The following ATP2B1 variants were observed in gnomAD, a reference collection of about 807,000 sequenced individuals.
ATP2B1 encodes ATPase plasma membrane Ca2+ transporting 1.
ATP2B1 carries 14 observed loss-of-function variants against 124.2 expected under a neutral mutation model. That is an observed-to-expected ratio of 0.11 (90% CI 0.07 to 0.18). The LOEUF is 0.18. Among genes scored for constraint, ATP2B1 ranks in the 10% least tolerant of loss-of-function variants. The pLI, the probability that ATP2B1 is intolerant of heterozygous loss-of-function variation, is 1.00. For synonymous variants in ATP2B1, 449 were observed against 492.4 expected, an observed-to-expected ratio of 0.91 and a Z score of 1.17; for missense variants, 763 against 1,466.1, an observed-to-expected ratio of 0.52 and a Z score of 7.83.
chr12:89,596,972 T>C (rs1345666196), intron 20 of ATP2B1, among the ~76,000 whole-genome samples: 1 of 152,150 alleles, frequency 6.6e-6, no homozygotes. Context: ...GGGAGTCACC[T>C]CCTTCAGGCA....
intron 1 of ATP2B1, among the ~76,000 whole-genome samples, chr12:89,662,441 C>T (rs1392050612): frequency 1.3e-5 from 2 of 152,102 alleles, no homozygotes; most frequent in African/African-American, 4.8e-5. Flanking sequence ...AGTTTTGGTA[C>T]ATTCAAATTA....
At position 89,638,129 on chromosome 12, in the gene ATP2B1, A is replaced by G. The variant is rs1882981168; in HGVS notation, c.407-2878T>C. On this transcript the variant is annotated intron_variant, in intron 3 of 20. Transcript: ENST00000428670. ...AAAGGATCAAAGTTACAAAATGACT[A>G]CAGCTTACAGTTATATATATGTATA... 2.0e-5 allele frequency among the ~76,000 whole-genome samples: 3 copies of G among 152,336 alleles called. No individual in the cohort carries two copies. The South Asian group carries it at 6.2e-4, about 32-fold the overall frequency.
rs770458245 is a variant in ATP2B1 at position 89,603,103 on chromosome 12, G to A, written c.3000C>T (p.Phe1000=). The part of the protein sequence containing the change: ...ARKIHGERNV[F]EGIFNNAIFC... ...AGATGGCATTGTTAAAGATTCCTTC[G>A]AATACATTTCTTTCACCATGAATTT... The change falls in exon 18 of 21, where the codon TTC becomes TTT. Residue 1000 remains phenylalanine, a synonymous_variant. Transcript: ENST00000428670. The surrounding 1 kb of genome is among the most constrained non-coding windows in gnomAD (Gnocchi z 4.3). The A allele has an allele frequency of 1.1e-5, 18 of 1,613,846 alleles. No homozygotes were observed. The highest frequency in any genetic ancestry group is 3.3e-5 in the South Asian group (3 of 91,060).
intron 2 of ATP2B1, among the ~76,000 whole-genome samples, chr12:89,650,016 C>G (rs1006572836): frequency 5.9e-5 from 9 of 152,182 alleles, no homozygotes; most frequent in African/African-American, 1.9e-4. Flanking sequence ...CACCAGAAGC[C>G]AAGCAGATGC....
Position 89,590,990 on chromosome 12 carries a change from T to G in ATP2B1, c.3657A>C (p.Ser1219=). ...GTTAACATTCAGCTTACAATCAGAGTGATGTTTCCAAACTATGTAGTGGGC... is the reference window on the plus strand; with the variant it reads ...GTTAACATTCAGCTTACAATCAGAGGGATGTTTCCAAACTATGTAGTGGGC... ...PGSPLHSLET[S]L Residue 1219 remains serine, a synonymous_variant, in exon 21 of 21, where the codon TCA becomes TCC. Transcript: ENST00000428670. The G allele has an allele frequency of 1.2e-6, 2 of 1,611,016 alleles. No individual in the cohort carries two copies. The highest frequency in any genetic ancestry group is 1.7e-6 in the Non-Finnish European group (2 of 1,177,828).
chr12:89,696,040 A>G (rs1322656373), intron 1 of ATP2B1, among the ~76,000 whole-genome samples: 2 of 152,266 alleles, frequency 1.3e-5, no homozygotes, highest in Non-Finnish European at 2.9e-5. Flanking sequence ...ACAACCTCAC[A>G]GGTATAAACA....
intron 1 of ATP2B1, among the ~76,000 whole-genome samples, chr12:89,704,801 A>G (rs1023857904): frequency 6.6e-6 from 1 of 152,166 alleles, no homozygotes; most frequent in African/African-American, 2.4e-5. Flanking sequence ...ACCTGCTGTA[A>G]AATACACAAA....
chr12:89,651,759 T>C (rs1359629674), intron 2 of ATP2B1, among the ~76,000 whole-genome samples: 1 of 152,184 alleles, frequency 6.6e-6, no homozygotes, highest in Non-Finnish European at 1.5e-5. Context: ...ACAGGTAACA[T>C]ACAATGCAGT....
At chr12:89,626,374 C>T in intron 8 of ATP2B1, 80 bp downstream of exon 8, 1 of 1,439,936 alleles carries the variant, frequency 6.9e-7, no homozygotes, top group Non-Finnish European at 9.3e-7. Context: ...AATTTCCAGC[C>T]TTAAGTGTGT....
intron 1 of ATP2B1, among the ~76,000 whole-genome samples, chr12:89,704,612 AAAAAAAC>A (rs763417243): frequency 1.1e-4 from 17 of 152,158 alleles, no homozygotes; most frequent in Admixed American, 2.6e-4. Flanking sequence ...GCCTACCAGA[AAAAAAAC>A]AAAAAACAAA....
At chr12:89,676,143 CT>C (rs1201360038) in intron 1 of ATP2B1, among the ~76,000 whole-genome samples, 1 of 152,128 alleles carries the variant, frequency 6.6e-6, no homozygotes, top group African/African-American at 2.4e-5. Flanking sequence ...TCCCAATCTC[CT>C]CTCTCCCATT....
chr12:89,678,853 T>C (rs1348519243), intron 1 of ATP2B1, among the ~76,000 whole-genome samples: 1 of 152,176 alleles, frequency 6.6e-6, no homozygotes, highest in African/African-American at 2.4e-5. Flanking sequence ...CTGCTACTCA[T>C]TGTGGTGGTC....
chr12:89,596,837 C>A (rs1401706815), intron 20 of ATP2B1, among the ~76,000 whole-genome samples: 1 of 152,102 alleles, frequency 6.6e-6, no homozygotes, highest in Non-Finnish European at 1.5e-5. Context: ...CTTTCCATTT[C>A]AGCTTCCCTT....
At chr12:89,676,451 A>T (rs564097290) in intron 1 of ATP2B1, among the ~76,000 whole-genome samples, 3 of 152,086 alleles carry the variant, frequency 2.0e-5, no homozygotes, top group Admixed American at 6.6e-5. Flanking sequence ...CTCGCTACAC[A>T]TATATATAAT....
In ATP2B1 at chr12:89,620,160, T is replaced by G; in HGVS notation, c.1668A>C (p.Leu556Phe). Residue 556 changes from leucine (L) to phenylalanine (F), a missense_variant, in exon 11 of 21, where the codon TTA (leucine) becomes TTC (phenylalanine). By Grantham distance (22) the Leu-to-Phe change is conservative. Transcript: ENST00000428670. Reference sequence around the variant, plus strand: ...TTCTAACATCCTGATAATCCCGTTTTAAATCCAAAAGAAGTCCCAACAAGG... The same window carrying G: ...TTCTAACATCCTGATAATCCCGTTTGAAATCCAAAAGAAGTCCCAACAAGG... ...ECALLGLLLD[L>F]KRDYQDVRNE... 6.2e-7 allele frequency: 1 copy of G among 1,614,114 alleles called. No homozygotes were observed. Among genetic ancestry groups the G allele is most frequent in the East Asian group, 2.2e-5 (1 of 44,862 alleles).
chr12:89,621,593 C>T lies in ATP2B1; in HGVS notation c.1543G>A (p.Val515Ile). ...GCACAATTCACAGAAATTCCTGTTA[C>T]AAGATAGGACAAAATATTTGGTGGA... ...AIPPNILSYLVTGISVNCAYT... is the reference protein window; with the variant it reads ...AIPPNILSYLITGISVNCAYT... The change falls in exon 10 of 21, where the codon GTA (valine) becomes ATA (isoleucine). Residue 515 changes from valine to isoleucine, a missense_variant. Val to Ile is a conservative substitution (Grantham distance 29, BLOSUM62 3). Transcript: ENST00000428670. The T allele has an allele frequency of 6.2e-7, 1 of 1,603,772 alleles. No homozygotes were observed. Among genetic ancestry groups the T allele is most frequent in the Non-Finnish European group, 8.5e-7 (1 of 1,173,796 alleles).
intron 16 of ATP2B1, 85 bp from the exon 17 acceptor site, chr12:89,604,010 T>C: frequency 1.4e-6 from 2 of 1,448,248 alleles, no homozygotes; most frequent in South Asian, 1.3e-5. Context: ...TTTAAAAACT[T>C]GAGAAACAGA....
At chr12:89,629,022 C>T (rs1404530145) in intron 6 of ATP2B1, among the ~76,000 whole-genome samples, 1 of 152,002 alleles carries the variant, frequency 6.6e-6, no homozygotes, top group Non-Finnish European at 1.5e-5. Context: ...AAAAGGGAGT[C>T]AACAAATTAG....
At chr12:89,651,253 A>T (rs1885208154) in intron 2 of ATP2B1, among the ~76,000 whole-genome samples, 1 of 152,196 alleles carries the variant, frequency 6.6e-6, no homozygotes, top group Non-Finnish European at 1.5e-5. Flanking sequence ...GAATCACATA[A>T]ATACAATTTC....
Sources: allele counts gnomAD v4.1 joint callset (sites outside exome capture counted in the v4.1 genomes callset), GRCh38; gene constraint gnomAD v4.1.1; non-coding constraint Gnocchi (gnomAD v3.1); transcripts MANE v1.5; gene names NCBI Gene and HGNC (gene_info 2026-07-23, HGNC 2026-07-21).